The following MDC1 variants were observed in gnomAD, a reference collection of about 807,000 sequenced individuals.
The protein encoded by MDC1 is mediator of DNA damage checkpoint protein 1.
MDC1 carries 81 observed loss-of-function variants against 142.5 expected under a neutral mutation model. The observed-to-expected ratio is 0.57, with a 90% CI of 0.47 to 0.68. The LOEUF (loss-of-function observed/expected upper bound fraction) is 0.68, where lower values mean the gene tolerates loss of function less well. Ranked by LOEUF, MDC1 falls within the 30% of genes least tolerant of loss-of-function variation. MDC1 has a pLI of 0.00. For missense variants in MDC1, 2,119 were observed against 2,547.9 expected (o/e 0.83, Z 3.62); for synonymous variants, 797 against 968.4 (o/e 0.82, Z 3.29).
At position 30,713,134 on chromosome 6, in the gene MDC1, T is replaced by G; in HGVS notation, c.808A>C (p.Asn270His). The G allele has an allele frequency of 6.2e-7, 1 of 1,612,952 alleles. No individual in the cohort carries two copies. Among genetic ancestry groups the G allele is most frequent in the Non-Finnish European group, 8.5e-7 (1 of 1,179,902 alleles). ...GCACCCCTCTTGACTTTTGTATCAT[T>G]GTCCCTCTCCTTCACTAAAGGCTGA... Reference protein sequence around the residue: ...KDQPLVKERDNDTKVKRGAGN... With the variant: ...KDQPLVKERDHDTKVKRGAGN... The change falls in exon 5 of 15, where the codon AAT becomes CAT. Residue 270 changes from asparagine (N) to histidine (H), a missense_variant. Physicochemically the swap from Asn to His is moderately conservative, Grantham distance 68. Coordinates refer to ENST00000376406, the MANE Select transcript of MDC1 (RefSeq NM_014641.3). The surrounding 1 kb of genome is among the most constrained non-coding windows in gnomAD (Gnocchi z 4.9).
Position 30,708,212 on chromosome 6 carries a change from T to C in MDC1, c.2367A>G (p.Gln789=), listed in dbSNP as rs1161877138. The change falls in exon 8 of 15, where the codon CAA becomes CAG. Residue 789 remains glutamine, a synonymous_variant. Transcript: ENST00000376406. ...LSPPRAIPGD[Q]HPESPVHTEP... ...CTGTGTGAACTGGGCTCTCTGGATG[T>C]TGGTCTCCTGGTATTGCCCTAGGTG... 1 of 1,613,150 alleles carries C rather than the reference T, an allele frequency of 6.2e-7. No individual in the cohort carries two copies. Among genetic ancestry groups the C allele is most frequent in the Non-Finnish European group, 8.5e-7 (1 of 1,180,036 alleles).
rs1301445824 is a variant in MDC1, at chr6:30,715,137, T to A, written c.39A>T (p.Glu13Asp). Residue 13 changes from glutamate (E) to aspartate (D), a missense_variant, in exon 2 of 15, where the codon GAA (glutamate) becomes GAT (aspartate). Coordinates refer to ENST00000376406, the MANE Select transcript of MDC1 (RefSeq NM_014641.3). The surrounding 1 kb of genome is among the most constrained non-coding windows in gnomAD (Gnocchi z 4.1). ...DTQAIDWDVE[E>D]EEETEQSSES... is the part of the protein sequence containing the mutation. ...CACTGGATTGCTCTGTCTCCTCCTC[T>A]TCTTCAACATCCCAGTCAATAGCCT... The A allele has an allele frequency of 6.2e-7, 1 of 1,614,070 alleles. No individual in the cohort carries two copies. Among genetic ancestry groups the A allele is most frequent in the Non-Finnish European group, 8.5e-7 (1 of 1,180,030 alleles).
In MDC1 at chr6:30,711,543, AC is replaced by A. The variant is rs765422902; in HGVS notation, c.2129-40del. The A allele has an allele frequency of 1.9e-5, 30 of 1,601,012 alleles. No homozygotes were observed. The African/African-American group carries it at 4.0e-4, about 21-fold the overall frequency. On this transcript the variant is annotated intron_variant, in intron 6 of 14. Coordinates refer to ENST00000376406, the MANE Select transcript of MDC1 (RefSeq NM_014641.3). ...GATGGCCTAAGTTCATCTCCTCCAT[AC>A]TACTGTAGGGTTCCATTCCTGGTCT...
rs28987085 is a variant in MDC1 at position 30,705,848 on chromosome 6, G to C, written c.3335C>G (p.Ser1112Cys). The change falls in exon 10 of 15, where the codon TCC becomes TGC. Residue 1112 changes from serine (S) to cysteine (C), a missense_variant. Physicochemically the swap from Ser to Cys is moderately radical, Grantham distance 112 (BLOSUM62 -1). Coordinates refer to ENST00000376406, the MANE Select transcript of MDC1 (RefSeq NM_014641.3). ...HPKPKIRTRK[S>C]SRMTPFPATS... is the part of the protein sequence containing the mutation. ...AGCTGGAAAGGGTGTCATTCTGGAG[G>C]ACTTCCGAGTTCTAATTTTAGGCTT... The C allele has an allele frequency of 3.7e-6, 6 of 1,611,198 alleles. No homozygotes were observed. In the Admixed American group the frequency reaches 8.4e-5, roughly 23 times the overall value.
rs751358669 is a variant in MDC1, at chr6:30,715,192, A to C, written c.-3-14T>G. ...GTCCTCCATGATCTGGGAAGGATAC[A>C]CATTATCAATTATCCTCATTATTGG... On this transcript the variant is annotated splice_polypyrimidine_tract_variant and intron_variant, in intron 1 of 14. Coordinates refer to ENST00000376406, the MANE Select transcript of MDC1 (RefSeq NM_014641.3). This position sits in a 1 kb window ranked among gnomAD's most constrained non-coding sequence, Gnocchi z 4.1. 1.2e-6 allele frequency: 2 copies of C among 1,614,134 alleles called. No individual in the cohort carries two copies. The highest frequency in any genetic ancestry group is 1.7e-6 in the Non-Finnish European group (2 of 1,179,986).
At position 30,702,780 on chromosome 6, in the gene MDC1, C is replaced by T; in HGVS notation, c.5963G>A (p.Ser1988Asn). 6.2e-7 allele frequency: 1 copy of T among 1,613,146 alleles called. No individual in the cohort carries two copies. Among genetic ancestry groups the T allele is most frequent in the Non-Finnish European group, 8.5e-7 (1 of 1,180,036 alleles). ...NFGFSLQDAL[S>N]RARERRLLEG... ...TAGCAGCCTTCGCTCCCGAGCCCTG[C>T]TCAGTGCGTCTTGAAGGCTAAAGCC... Residue 1988 changes from serine (S) to asparagine (N), a missense_variant, in exon 13 of 15, where the codon AGC becomes AAC. Physicochemically the swap from Ser to Asn is conservative, Grantham distance 46. Coordinates refer to ENST00000376406, the MANE Select transcript of MDC1 (RefSeq NM_014641.3).
rs763079083 is a variant in MDC1 at position 30,713,279 on chromosome 6, A to G, written c.663T>C (p.Asp221=). The part of the protein sequence containing the change: ...PFAFNLNSDT[D]VEEGQQPATE... Reference sequence around the variant, plus strand: ...TGGCTGGTTGCTGACCTTCTTCCACATCTGTGTCACTGTTCAAATTGAAGG... The same window carrying G: ...TGGCTGGTTGCTGACCTTCTTCCACGTCTGTGTCACTGTTCAAATTGAAGG... Residue 221 remains aspartate, a synonymous_variant, in exon 5 of 15, where the codon GAT becomes GAC. Coordinates refer to ENST00000376406, the MANE Select transcript of MDC1 (RefSeq NM_014641.3). This position sits in a 1 kb window ranked among gnomAD's most constrained non-coding sequence, Gnocchi z 4.9. 6.2e-7 allele frequency: 1 copy of G among 1,612,754 alleles called. No individual in the cohort carries two copies. The highest frequency in any genetic ancestry group is 1.3e-5 in the African/African-American group (1 of 75,022).
At chr6:30,701,117 T>G (rs1772597888) in intron 14 of MDC1, among the ~76,000 whole-genome samples, 1 of 149,836 alleles carries the variant, frequency 6.7e-6, no homozygotes, top group Non-Finnish European at 1.5e-5. Flanking sequence ...ATACTCTTGC[T>G]AGAGGCCAGG....
rs1231356797 is a variant in MDC1, at chr6:30,715,641, TTTTC to T, written c.-3-467_-3-464del. Among the ~76,000 whole-genome samples, 2 of 152,132 alleles carry T rather than the reference TTTTC, an allele frequency of 1.3e-5. No homozygotes were observed. The highest frequency in any genetic ancestry group is 4.8e-5 in the African/African-American group (2 of 41,414). ...GGCGTGAGCCACTGCGCCCCGTTGTTTTTCTTTCTTTTTTAGCCCATGCTTTTTA... is the reference window on the plus strand; with the variant it reads ...GGCGTGAGCCACTGCGCCCCGTTGTTTTTCTTTTTTAGCCCATGCTTTTTA... On this transcript the variant is annotated intron_variant, in intron 1 of 14. Transcript: ENST00000376406. This position sits in a 1 kb window ranked among gnomAD's most constrained non-coding sequence, Gnocchi z 4.1.
rs1774845457 is a variant in MDC1, at chr6:30,711,321, A to G, written c.2221+91T>C. 4.3e-6 allele frequency: 5 copies of G among 1,174,060 alleles called. No individual in the cohort carries two copies. The Admixed American group carries it at 9.5e-5, about 22-fold the overall frequency. The allele number at this position is 1,174,060 out of a possible 1,614,324, so 72.7% of individuals were successfully genotyped here. ...GGGAGGCGGAGGTTACAGTGAGCCG[A>G]GACTGCACCACTGTAATCCAGCCTG... On this transcript the variant is annotated intron_variant, in intron 7 of 14. Transcript: ENST00000376406.
Position 30,704,669 on chromosome 6 carries a change from G to A in MDC1, c.4514C>T (p.Pro1505Leu), listed in dbSNP as rs763116546. 1.9e-6 allele frequency: 3 copies of A among 1,610,432 alleles called. No homozygotes were observed. The highest frequency in any genetic ancestry group is 3.3e-5 in the Admixed American group (2 of 59,734). ...ELQASASTDQ[P>L]VTSEPTSRTT... ...CCGAGATGTGGGCTCAGAGGTGACA[G>A]GCTGGTCTGTGGAGGCGGAAGCCTG... is the stretch of plus-strand genomic sequence containing the variant. The change falls in exon 10 of 15, where the codon CCT becomes CTT. Residue 1505 changes from proline to leucine, a missense_variant. Transcript: ENST00000376406.
At position 30,712,807 on chromosome 6, in the gene MDC1, C is replaced by G; in HGVS notation, c.1135G>C (p.Asp379His). 1 of 1,612,978 alleles carries G rather than the reference C, an allele frequency of 6.2e-7. No individual in the cohort carries two copies. Among genetic ancestry groups the G allele is most frequent in the Non-Finnish European group, 8.5e-7 (1 of 1,179,944 alleles). ...LQESQAGSDT[D>H]VEEGKAPQAV... ...TGTGGGGCCTTGCCTTCTTCCACAT[C>G]TGTATCACTACCAGCCTGGCTCTCC... The change falls in exon 5 of 15, where the codon GAT becomes CAT. Residue 379 changes from aspartate (D) to histidine (H), a missense_variant. Asp to His is a moderately conservative substitution (Grantham distance 81). Transcript: ENST00000376406. The surrounding 1 kb of genome is among the most constrained non-coding windows in gnomAD (Gnocchi z 4.7).
Position 30,704,774 on chromosome 6 carries a change from G to A in MDC1, c.4409C>T (p.Thr1470Met), listed in dbSNP as rs773270002. The A allele has an allele frequency of 1.4e-5, 22 of 1,612,468 alleles. 1 individual carries two copies. Among genetic ancestry groups the A allele is most frequent in the Middle Eastern group, 1.6e-4 (1 of 6,074 alleles). The change falls in exon 10 of 15, where the codon ACG (threonine) becomes ATG (methionine). Residue 1470 changes from threonine (T) to methionine (M), a missense_variant. Thr to Met is a moderately conservative substitution (Grantham distance 81, BLOSUM62 -1). Transcript: ENST00000376406. Reference sequence around the variant, plus strand: ...TGTTCTTCCCCTAGTAGCCTGAGACGTAGGCTCAGGGGTAACAGGCTGGTC... The same window carrying A: ...TGTTCTTCCCCTAGTAGCCTGAGACATAGGCTCAGGGGTAACAGGCTGGTC... ...STDQPVTPEP[T>M]SQATRGRTDR...
chr6:30,703,609 C>T lies in MDC1; in HGVS notation c.5562+12G>A, dbSNP rs1242955227. Reference sequence around the variant, plus strand: ...ATTTTTCCCAGCTTTGTGGTCCCAACCCTCTCCTCACCTCTTCCTTCCCTG... The same window carrying T: ...ATTTTTCCCAGCTTTGTGGTCCCAATCCTCTCCTCACCTCTTCCTTCCCTG... On this transcript the variant is annotated intron_variant, in intron 10 of 14. Transcript: ENST00000376406. This position sits in a 1 kb window ranked among gnomAD's most constrained non-coding sequence, Gnocchi z 4.4. 6.2e-7 allele frequency: 1 copy of T among 1,608,930 alleles called. No homozygotes were observed.
At position 30,712,702 on chromosome 6, in the gene MDC1, G is replaced by A; in HGVS notation, c.1240C>T (p.Leu414=). The part of the protein sequence containing the change: ...TDDEEEVSAA[L]TLAHLKESQP... ...CTCTCTTTCAGATGTGCCAAAGTCA[G>A]CGCTGCTGAGACTTCTTCCTCGTCA... The change falls in exon 5 of 15, where the codon CTG becomes TTG. Residue 414 remains leucine (L), a synonymous_variant. Coordinates refer to ENST00000376406, the MANE Select transcript of MDC1 (RefSeq NM_014641.3). This position sits in a 1 kb window ranked among gnomAD's most constrained non-coding sequence, Gnocchi z 4.7. 4.3e-6 allele frequency: 7 copies of A among 1,613,056 alleles called. No individual in the cohort carries two copies. The highest frequency in any genetic ancestry group is 5.9e-6 in the Non-Finnish European group (7 of 1,180,034).
chr6:30,715,053 A>G lies in MDC1; in HGVS notation c.123T>C (p.His41=). ...VGRLHIFSGA[H]GPEKDFPLHL... is the part of the protein sequence containing the mutation. ...ATACCCTCTGACCTTTTTCTGGTCC[A>G]TGGGCACCACTAAAGATATGTAGCC... is the stretch of plus-strand genomic sequence containing the variant. Residue 41 remains histidine, a synonymous_variant, in exon 2 of 15, where the codon CAT becomes CAC. Coordinates refer to ENST00000376406, the MANE Select transcript of MDC1 (RefSeq NM_014641.3). The surrounding 1 kb of genome is among the most constrained non-coding windows in gnomAD (Gnocchi z 4.1). 6.2e-7 allele frequency: 1 copy of G among 1,614,168 alleles called. No individual in the cohort carries two copies. Among genetic ancestry groups the G allele is most frequent in the Non-Finnish European group, 8.5e-7 (1 of 1,180,034 alleles).
rs1775739686 is a variant in MDC1, at chr6:30,716,938, C to G, written c.-4+307G>C. The stretch of plus-strand genomic sequence containing the variant: ...TGACAGGTAGGGAAAGTAGGATGCC[C>G]CATGGATAAAGTGTCAACTCCGTCT... On this transcript the variant is annotated intron_variant, in intron 1 of 14. Coordinates refer to ENST00000376406, the MANE Select transcript of MDC1 (RefSeq NM_014641.3). The surrounding 1 kb of genome is among the most constrained non-coding windows in gnomAD (Gnocchi z 4.4). The G allele has an allele frequency of 1.0e-6, 1 of 984,696 alleles. No homozygotes were observed. The highest frequency in any genetic ancestry group is 1.7e-5 in the African/African-American group (1 of 57,292). The allele number at this position is 984,696 out of a possible 1,614,324, so 61.0% of individuals were successfully genotyped here. A position where few individuals can be genotyped will look rare whatever the true frequency, so the allele number is the denominator to read the frequency against.
Position 30,700,235 on chromosome 6 carries a change from T to C in MDC1, c.*230A>G. ...CCCTAAATCTATACAAATAAAAAAC[T>C]ATAAATACAAATAAAATAAAATGGC... On this transcript the variant is annotated 3_prime_UTR_variant, in exon 15 of 15. Transcript: ENST00000376406. 1 of 424,182 alleles carries C rather than the reference T, an allele frequency of 2.4e-6. No homozygotes were observed. The allele number at this position is 424,182 out of a possible 1,614,324, so 26.3% of individuals were successfully genotyped here. A position where few individuals can be genotyped will look rare whatever the true frequency, so the allele number is the denominator to read the frequency against.
chr6:30,702,866 A>C lies in MDC1; in HGVS notation c.5877T>G (p.Ala1959=). Reference sequence around the variant, plus strand: ...ATTCATCCGGGGGTAAGAAGAAACCAGCCTTGCGGGACTAAGGACGGCAGC... The same window carrying C: ...ATTCATCCGGGGGTAAGAAGAAACCCGCCTTGCGGGACTAAGGACGGCAGC... The part of the protein sequence containing the change: ...SLDWLHQSRK[A]GFFLPPDEYV... Residue 1959 remains alanine (A), a synonymous_variant, in exon 13 of 15, where the codon GCT becomes GCG. Transcript: ENST00000376406. 1 of 1,613,140 alleles carries C rather than the reference A, an allele frequency of 6.2e-7. No homozygotes were observed.
Sources: allele counts gnomAD v4.1 joint callset (sites outside exome capture counted in the v4.1 genomes callset), GRCh38; gene constraint gnomAD v4.1.1; non-coding constraint Gnocchi (gnomAD v3.1); transcripts MANE v1.5; gene names NCBI Gene and HGNC (gene_info 2026-07-23, HGNC 2026-07-21).